The following ZNF544 variants were observed in gnomAD, a reference collection of about 807,000 sequenced individuals.
The protein encoded by ZNF544 is zinc finger protein AF020591.
Under a neutral mutation model 13.5 loss-of-function variants are expected in ZNF544, and 10 were observed. The ratio of observed to expected loss-of-function variants is 0.74; its 90% CI spans 0.46 to 1.25. ZNF544 has a LOEUF of 1.25. ZNF544 is among the 50% of genes most tolerant of loss of function. The probability of loss-of-function intolerance (pLI) is 0.00; values close to 1 mark genes in which losing one functional copy is unlikely to be tolerated. For synonymous variants in ZNF544, 323 were observed against 300.5 expected, an observed-to-expected ratio of 1.07 and a Z score of -0.77; for missense variants, 896 against 845.6, an observed-to-expected ratio of 1.06 and a Z score of -0.74.
chr19:58,256,056 C>T lies in ZNF544; in HGVS notation c.245-4795C>T, dbSNP rs147714546. Reference sequence around the variant, plus strand: ...CTTTCCGTTTCACCAGAGAGTGGCTCCGGCCAGAAACTTACAGTTGCTTGC... The same window carrying T: ...CTTTCCGTTTCACCAGAGAGTGGCTTCGGCCAGAAACTTACAGTTGCTTGC... On this transcript the variant is annotated intron_variant, in intron 6 of 6. Transcript: ENST00000687789. Among the ~76,000 whole-genome samples, 935 of 152,318 alleles carry T rather than the reference C, an allele frequency of 6.1e-3. 4 individuals carry two copies. Among genetic ancestry groups the T allele is most frequent in the Non-Finnish European group, 8.8e-3 (597 of 68,026 alleles).
chr19:58,243,930 C>T (rs575794940), intron 3 of ZNF544, 35 bp from the exon 4 acceptor site: 13 of 1,499,786 alleles, frequency 8.7e-6, no homozygotes, highest in Middle Eastern at 1.8e-4. Flanking sequence ...TTGCAGGAGC[C>T]GAGGGGCTGA....
chr19:58,236,527 CAG>C (rs2042424008), intron 3 of ZNF544, among the ~76,000 whole-genome samples: 1 of 148,170 alleles, frequency 6.7e-6, no homozygotes, highest in Non-Finnish European at 1.5e-5. Flanking sequence ...AGAAAGAAAA[CAG>C]AAACAAACAA....
At chr19:58,236,513 AAAAAG>A (rs2042418989) in intron 3 of ZNF544, among the ~76,000 whole-genome samples, 2 of 151,908 alleles carry the variant, frequency 1.3e-5, no homozygotes, top group South Asian at 2.1e-4. Context: ...AAAAAAAAAA[AAAAAG>A]AAAGAAAACA....
At chr19:58,268,484 C>A (rs184351587), downstream of ZNF544, among the ~76,000 whole-genome samples, 49 of 152,268 alleles carry the variant, frequency 3.2e-4, 2 homozygotes, top group South Asian at 1.0e-2. Flanking sequence ...AAATTTAATT[C>A]TCTCAGCAAG....
chr19:58,261,452 T>C lies in ZNF544; in HGVS notation c.846T>C (p.Ser282=). ...ATTATGGAAACCTCTTCAGTCACAG[T>C]GTGTCTCTGAATGAACAGAAGCCAG... ...CKDYGNLFSH[S]VSLNEQKPVH... The change falls in exon 7 of 7, where the codon AGT becomes AGC. Residue 282 remains serine (S), a synonymous_variant. Coordinates refer to ENST00000687789, the MANE Select transcript of ZNF544 (RefSeq NM_014480.4). 1 of 1,614,178 alleles carries C rather than the reference T, an allele frequency of 6.2e-7. No homozygotes were observed. Among genetic ancestry groups the C allele is most frequent in the Non-Finnish European group, 8.5e-7 (1 of 1,180,036 alleles).
downstream of ZNF544, among the ~76,000 whole-genome samples, chr19:58,268,472 ATAAAT>A (rs1250663752): frequency 2.6e-5 from 4 of 152,218 alleles, no homozygotes; most frequent in Admixed American, 1.3e-4. Flanking sequence ...CACTCAAAAC[ATAAAT>A]TTAATTCTCT....
chr19:58,261,410 A>G lies in ZNF544; in HGVS notation c.804A>G (p.Lys268=), dbSNP rs762132946. ...ATGGTAGAACTTTTTCAGTGAAGAA[A>G]AGTGATGACTGTAAGGATTATGGAA... ...CFHGRTFSVK[K]SDDCKDYGNL... Residue 268 remains lysine (K), a synonymous_variant, in exon 7 of 7, where the codon AAA becomes AAG. Transcript: ENST00000687789. 6.2e-7 allele frequency: 1 copy of G among 1,614,192 alleles called. No individual in the cohort carries two copies. The highest frequency in any genetic ancestry group is 8.5e-7 in the Non-Finnish European group (1 of 1,180,036).
intron 3 of ZNF544, among the ~76,000 whole-genome samples, chr19:58,231,123 G>T (rs955613271): frequency 1.3e-5 from 2 of 152,040 alleles, no homozygotes; most frequent in African/African-American, 4.8e-5. Flanking sequence ...TAGGCAGATT[G>T]CACAGAACAA....
intron 6 of ZNF544, among the ~76,000 whole-genome samples, chr19:58,259,965 T>C (rs970966146): frequency 6.6e-5 from 10 of 152,046 alleles, no homozygotes; most frequent in African/African-American, 2.2e-4. Flanking sequence ...AAGGGTACAT[T>C]GGCTTGGCTG....
At chr19:58,264,753 C>T (rs2049630994), downstream of ZNF544, among the ~76,000 whole-genome samples, 1 of 152,106 alleles carries the variant, frequency 6.6e-6, no homozygotes, top group Non-Finnish European at 1.5e-5. Flanking sequence ...CCTGTAATCC[C>T]AGCACTTTGG....
chr19:58,242,259 G>A (rs2044052861), intron 3 of ZNF544: 2 of 985,250 alleles, frequency 2.0e-6, no homozygotes, highest in East Asian at 1.1e-4. Context: ...CGCAACATCT[G>A]CAGGAGATGA....
intron 3 of ZNF544, among the ~76,000 whole-genome samples, chr19:58,241,170 T>TATATATATTTAA (rs2043627780): frequency 7.8e-5 from 7 of 89,614 alleles, no homozygotes; most frequent in Non-Finnish European, 1.0e-4. Context: ...TAAATATATA[T>TATATATATTTAA]ATATATATAT....
At chr19:58,241,945 T>C (rs1174714838) in intron 3 of ZNF544, among the ~76,000 whole-genome samples, 1 of 127,972 alleles carries the variant, frequency 7.8e-6, no homozygotes, top group Admixed American at 8.3e-5. Flanking sequence ...CTCTCTCTCT[T>C]TGTGCTTGTT....
At position 58,238,677 on chromosome 19, in the gene ZNF544, GT is replaced by G. The variant is rs2042937956; in HGVS notation, c.-59-5286del. Among the ~76,000 whole-genome samples, 4 of 152,158 alleles carry G rather than the reference GT, an allele frequency of 2.6e-5. No individual in the cohort carries two copies. The South Asian group carries it at 8.3e-4, about 32-fold the overall frequency. Reference sequence around the variant, plus strand: ...TGGGTTTCTGGCTCAGGAGCCTCCCGTTGTTGTCACTTCTCCTCCTCTGTCT... The same window carrying G: ...TGGGTTTCTGGCTCAGGAGCCTCCCGTGTTGTCACTTCTCCTCCTCTGTCT... On this transcript the variant is annotated intron_variant, in intron 3 of 6. Coordinates refer to ENST00000687789, the MANE Select transcript of ZNF544 (RefSeq NM_014480.4).
chr19:58,255,995 C>T (rs1249782001), intron 6 of ZNF544, among the ~76,000 whole-genome samples: 2 of 152,214 alleles, frequency 1.3e-5, no homozygotes, highest in African/African-American at 4.8e-5. Flanking sequence ...TTCACCCGAA[C>T]TGGGTGGTAG....
chr19:58,242,789 C>G (rs571384045), intron 3 of ZNF544, among the ~76,000 whole-genome samples: 120 of 152,226 alleles, frequency 7.9e-4, no homozygotes, highest in African/African-American at 2.8e-3. Flanking sequence ...CTTCCCGCCC[C>G]CCGGGTTCAA....
chr19:58,273,189 A>G (rs57957472), intron 5 of ZNF544, among the ~76,000 whole-genome samples: 3,912 of 152,188 alleles, frequency 0.026, 160 homozygotes, highest in African/African-American at 0.086. Context: ...CTCAAAAAAA[A>G]AAAGAAGAAA....
rs534528555 is a variant in ZNF544 at position 58,258,794 on chromosome 19, G to T, written c.245-2057G>T. 3 of 152,432 alleles carry T rather than the reference G, an allele frequency of 2.0e-5. No individual in the cohort carries two copies. The South Asian group carries it at 6.2e-4, about 31-fold the overall frequency. 9.4% of individuals were successfully genotyped at this position (152,432 alleles called of 1,614,324 possible). A position where few individuals can be genotyped will look rare whatever the true frequency, so the allele number is the denominator to read the frequency against. On this transcript the variant is annotated intron_variant, in intron 6 of 6. Transcript: ENST00000687789. ...TGTCCTCATGAGCTCAGAGAGTGAG[G>T]CATGAGAACTTGAGGTAGGCCGCAG...
chr19:58,246,476 C>T (rs1009399917), intron 5 of ZNF544, 49 bp downstream of exon 5: 7 of 1,607,286 alleles, frequency 4.4e-6, no homozygotes, highest in Non-Finnish European at 6.0e-6. Flanking sequence ...GGACTCAAAG[C>T]TGTACCAAGT....
Sources: gnomAD v4.1 joint callset for allele counts (sites outside exome capture counted in the v4.1 genomes callset) on GRCh38, gnomAD v4.1.1 for gene constraint, MANE v1.5 for transcripts, NCBI Gene and HGNC (gene_info 2026-07-23, HGNC 2026-07-21) for gene names.